Variants in UPF2 observed in about 807,000 individuals in gnomAD.
UPF2 encodes UPF2 regulator of nonsense mediated mRNA decay, also known as regulator of nonsense transcripts 2.
A neutral mutation model predicts 141.4 loss-of-function variants in UPF2; 17 were observed. The ratio of observed to expected loss-of-function variants is 0.12; its 90% CI spans 0.08 to 0.18. UPF2 has a LOEUF of 0.18. UPF2 is among the 10% of genes least tolerant of loss of function. UPF2 has a pLI of 1.00. For synonymous variants in UPF2, 540 were observed against 498.0 expected (o/e 1.08, Z -1.12); for missense variants, 1,152 against 1,515.9 (o/e 0.76, Z 3.99).
chr10:11,934,334 A>T (rs1434939956), intron 19 of UPF2, among the ~76,000 whole-genome samples: 17 of 152,094 alleles, frequency 1.1e-4, no homozygotes, highest in Admixed American at 1.1e-3. Context: ...AAAAGCTCTC[A>T]TTTTCCTCAC....
At position 11,940,658 on chromosome 10, in the gene UPF2, G is replaced by A. The variant is rs1832925766; in HGVS notation, c.3378+2007C>T. Among the ~76,000 whole-genome samples, 1 of 152,128 alleles carries A rather than the reference G, an allele frequency of 6.6e-6. No individual in the cohort carries two copies. On this transcript the variant is annotated intron_variant, in intron 18 of 21. Coordinates refer to ENST00000357604, the MANE Select transcript of UPF2 (RefSeq NM_015542.4). The surrounding 1 kb of genome is among the most constrained non-coding windows in gnomAD (Gnocchi z 4.2). ...ATCCAATCCAGCGCCAAATAAGCCA[G>A]GTCGTTCTACCTCCGAAATAGCTCA... is the stretch of plus-strand genomic sequence containing the variant.
At position 12,016,605 on chromosome 10, in the gene UPF2, AATC is replaced by A; in HGVS notation, c.1146-2424_1146-2422del. Reference sequence around the variant, plus strand: ...GCTACTTGGGAGGCTAAGCCAGGAGAATCACTTGAACCCGGGAGGCAGAGGTTG... The same window carrying A: ...GCTACTTGGGAGGCTAAGCCAGGAGAACTTGAACCCGGGAGGCAGAGGTTG... On this transcript the variant is annotated intron_variant, in intron 3 of 21. Transcript: ENST00000357604. The surrounding 1 kb of genome is among the most constrained non-coding windows in gnomAD (Gnocchi z 4.1). Among the ~76,000 whole-genome samples the A allele has an allele frequency of 6.6e-6, 1 of 152,098 alleles. No individual in the cohort carries two copies. Among genetic ancestry groups the A allele is most frequent in the Non-Finnish European group, 1.5e-5 (1 of 67,994 alleles).
intron 3 of UPF2, among the ~76,000 whole-genome samples, chr10:12,020,325 C>T (rs1168563350): frequency 2.0e-5 from 3 of 151,832 alleles, no homozygotes; most frequent in South Asian, 2.1e-4. Flanking sequence ...AATCTCGGCT[C>T]ACCGCAACCT....
rs1832921108 is a variant in UPF2 at position 11,940,314 on chromosome 10, A to G, written c.3378+2351T>C. On this transcript the variant is annotated intron_variant, in intron 18 of 21. Coordinates refer to ENST00000357604, the MANE Select transcript of UPF2 (RefSeq NM_015542.4). The surrounding 1 kb of genome is among the most constrained non-coding windows in gnomAD (Gnocchi z 4.2). ...TTCCTTTGACTTCATCAGCTTTTCT[A>G]CCTTATTTCTAAATGTTAAGGTTCT... Among the ~76,000 whole-genome samples the G allele has an allele frequency of 6.6e-6, 1 of 152,048 alleles. No homozygotes were observed. Among genetic ancestry groups the G allele is most frequent in the Non-Finnish European group, 1.5e-5 (1 of 68,008 alleles).
chr10:11,994,862 G>A (rs1198868785), intron 8 of UPF2, among the ~76,000 whole-genome samples: 1 of 151,076 alleles, frequency 6.6e-6, no homozygotes, highest in Non-Finnish European at 1.5e-5. Flanking sequence ...TGTAGTCCCA[G>A]CTACTTGGGA....
chr10:11,956,882 G>A lies in UPF2; in HGVS notation c.2371-359C>T, dbSNP rs1437098272. 1.3e-5 allele frequency among the ~76,000 whole-genome samples: 2 copies of A among 151,908 alleles called. No individual in the cohort carries two copies. Among genetic ancestry groups the A allele is most frequent in the Admixed American group, 6.6e-5 (1 of 15,244 alleles). ...GTCACCCAGGCTGGAGTGCAGTAGC[G>A]CAATCTTGACTCACTGCAACCTCCT... On this transcript the variant is annotated intron_variant, in intron 12 of 21. Transcript: ENST00000357604. The surrounding 1 kb of genome is among the most constrained non-coding windows in gnomAD (Gnocchi z 4.2).
intron 21 of UPF2, among the ~76,000 whole-genome samples, chr10:11,924,745 G>A (rs1187516519): frequency 6.6e-6 from 1 of 152,024 alleles, no homozygotes; most frequent in East Asian, 1.9e-4. Flanking sequence ...GTGAGCCACT[G>A]CTCCTAGACC....
At chr10:11,974,760 T>A (rs1196093176) in intron 9 of UPF2, among the ~76,000 whole-genome samples, 4 of 152,208 alleles carry the variant, frequency 2.6e-5, no homozygotes. Flanking sequence ...CTTTTTGATG[T>A]GCTGCTGGAA....
rs1483850204 is a variant in UPF2, at chr10:11,959,715, G to C, written c.2185-359C>G. ...GTGGAGGCTGCAGTAAGCCATGACTGGCACTGCACTCCAGCCTGGGCAACA... is the reference window on the plus strand; with the variant it reads ...GTGGAGGCTGCAGTAAGCCATGACTCGCACTGCACTCCAGCCTGGGCAACA... On this transcript the variant is annotated intron_variant, in intron 11 of 21. Transcript: ENST00000357604. This position sits in a 1 kb window ranked among gnomAD's most constrained non-coding sequence, Gnocchi z 5.9. 6.6e-6 allele frequency among the ~76,000 whole-genome samples: 1 copy of C among 152,070 alleles called. No individual in the cohort carries two copies. Among genetic ancestry groups the C allele is most frequent in the Non-Finnish European group, 1.5e-5 (1 of 67,990 alleles).
chr10:12,000,851 G>A (rs1328692055), intron 6 of UPF2, among the ~76,000 whole-genome samples: 2 of 152,040 alleles, frequency 1.3e-5, no homozygotes, highest in African/African-American at 2.4e-5. Context: ...CTCAAAACTC[G>A]ATAAGAAGCA....
chr10:12,008,557 G>A (rs1490474472), intron 4 of UPF2, among the ~76,000 whole-genome samples: 1 of 150,898 alleles, frequency 6.6e-6, no homozygotes, highest in Non-Finnish European at 1.5e-5. Flanking sequence ...TTGAACCCGG[G>A]AGGCGGAGCT....
chr10:11,936,708 C>T lies in UPF2; in HGVS notation c.3383G>A (p.Arg1128Gln), dbSNP rs979564728. The change falls in exon 19 of 22, where the codon CGA becomes CAA. Residue 1128 changes from arginine to glutamine, a missense_variant. By Grantham distance (43) the Arg-to-Gln change is conservative (BLOSUM62 1). This residue lies in a region of UPF2 where 202 missense variants were observed against 223.6 expected (regional missense o/e 0.90). Transcript: ENST00000357604. The surrounding 1 kb of genome is among the most constrained non-coding windows in gnomAD (Gnocchi z 6.6). ...DKMMLENLQQ[R>Q]SGESVKVHQL... Reference sequence around the variant, plus strand: ...GTGCACTTTAACAGATTCACCACTTCGTTGCTAAAAGAAATTAAAAAGGAC... The same window carrying T: ...GTGCACTTTAACAGATTCACCACTTTGTTGCTAAAAGAAATTAAAAAGGAC... 6.2e-7 allele frequency: 1 copy of T among 1,601,562 alleles called. No homozygotes were observed. Among genetic ancestry groups the T allele is most frequent in the Non-Finnish European group, 8.5e-7 (1 of 1,174,908 alleles).
intron 9 of UPF2, among the ~76,000 whole-genome samples, chr10:11,975,442 G>C (rs1037443326): frequency 6.6e-6 from 1 of 152,136 alleles, no homozygotes; most frequent in African/African-American, 2.4e-5. Context: ...CATTTTAAGT[G>C]TCCGTTTATT....
chr10:11,961,953 G>A (rs1024351011), intron 11 of UPF2, among the ~76,000 whole-genome samples: 11 of 152,006 alleles, frequency 7.2e-5, no homozygotes, highest in East Asian at 1.9e-4. Context: ...CTATACTGAC[G>A]CATCTCTGTA....
intron 1 of UPF2, among the ~76,000 whole-genome samples, chr10:12,039,308 G>A (rs1463924459): frequency 2.0e-5 from 3 of 152,098 alleles, no homozygotes; most frequent in Admixed American, 6.6e-5. Flanking sequence ...TGTGAGATGG[G>A]AGACATGCTG....
chr10:12,029,569 A>T, intron 2 of UPF2, 45 bp from the exon 3 acceptor site: 1 of 1,522,326 alleles, frequency 6.6e-7, no homozygotes, highest in Non-Finnish European at 8.8e-7. Context: ...CTACATTTTG[A>T]AGCATTATAC....
chr10:12,035,537 G>A (rs1834610106), intron 1 of UPF2, 96 bp from the exon 2 acceptor site: 1 of 1,320,492 alleles, frequency 7.6e-7, no homozygotes, highest in Non-Finnish European at 9.9e-7. Context: ...ATGCAACTTG[G>A]CAATTGTAAA....
At chr10:11,991,629 G>GA (rs894357206) in intron 8 of UPF2, among the ~76,000 whole-genome samples, 27 of 146,068 alleles carry the variant, frequency 1.8e-4, no homozygotes, top group Admixed American at 4.1e-4. Context: ...TTTAAGAGAG[G>GA]AAAAAAAAAA....
chr10:12,020,069 A>G (rs1047542419), intron 3 of UPF2, among the ~76,000 whole-genome samples: 1 of 152,088 alleles, frequency 6.6e-6, no homozygotes, highest in African/African-American at 2.4e-5. Context: ...AACCAACCAA[A>G]AAAGCCAGTC....
Sources: gnomAD v4.1 joint callset for allele counts (sites outside exome capture counted in the v4.1 genomes callset) on GRCh38, gnomAD v4.1.1 for gene constraint, gnomAD v4.1.1 regional missense constraint, Gnocchi (gnomAD v3.1) non-coding constraint, MANE v1.5 for transcripts, NCBI Gene and HGNC (gene_info 2026-07-23, HGNC 2026-07-21) for gene names.